GLYAT: variants seen among roughly 807,000 people sequenced by gnomAD.
GLYAT encodes the protein glycine N-acyltransferase.
In GLYAT, 25 loss-of-function variants were observed where a neutral mutation model predicts 22.8. That is an observed-to-expected ratio of 1.09 (90% CI 0.80 to 1.53). GLYAT has a LOEUF of 1.53. Among genes scored for constraint, GLYAT ranks in the 40% most tolerant of loss-of-function variants. The probability of loss-of-function intolerance (pLI) is 0.00; values close to 1 mark genes in which losing one functional copy is unlikely to be tolerated. For missense variants in GLYAT, 411 were observed against 353.9 expected (o/e 1.16, Z -1.29); for synonymous variants, 140 against 122.7 (o/e 1.14, Z -0.93).
intron 4 of GLYAT, among the ~76,000 whole-genome samples, chr11:58,711,785 A>T (rs1856619609): frequency 6.6e-6 from 1 of 152,242 alleles, no homozygotes; most frequent in Admixed American, 6.5e-5. Flanking sequence ...TACCTTGGCC[A>T]CATTGACCAT....
intron 2 of GLYAT, among the ~76,000 whole-genome samples, chr11:58,723,228 CT>C (rs11311719): frequency 0.75 from 114,555 of 151,842 alleles, 43,768 homozygotes; most frequent in Middle Eastern, 0.92. Context: ...CATACAGTGT[CT>C]TAACTAATAT....
intron 3 of GLYAT, among the ~76,000 whole-genome samples, chr11:58,713,999 A>G (rs1372969672): frequency 6.6e-6 from 1 of 152,120 alleles, no homozygotes; most frequent in Non-Finnish European, 1.5e-5. Context: ...GGTAATTAGC[A>G]TACATATTGC....
At chr11:58,715,457 TATTTGAAAAAA>T (rs1339803985) in intron 2 of GLYAT, 34 bp from the exon 3 acceptor site, 1 of 967,652 alleles carries the variant, frequency 1.0e-6, no homozygotes, top group East Asian at 2.4e-5. Flanking sequence ...AGGGTTGGTT[TATTTGAAAAAA>T]ACAGTAAAGT....
intron 2 of GLYAT, among the ~76,000 whole-genome samples, chr11:58,722,883 G>C (rs1222287904): frequency 6.6e-6 from 1 of 152,036 alleles, no homozygotes; most frequent in Admixed American, 6.6e-5. Context: ...TTCTAGGTTA[G>C]ACACCTCCAT....
At chr11:58,712,717 G>A in intron 4 of GLYAT, 43 bp downstream of exon 4, 4 of 1,588,418 alleles carry the variant, frequency 2.5e-6, no homozygotes, top group Non-Finnish European at 3.5e-6. Flanking sequence ...ACTTGCTCAG[G>A]ACACATAAGT....
chr11:58,722,722 C>T (rs545558222), intron 2 of GLYAT, among the ~76,000 whole-genome samples: 1 of 152,160 alleles, frequency 6.6e-6, no homozygotes, highest in East Asian at 1.9e-4. Flanking sequence ...AGATATTTTC[C>T]TTTCACACTA....
intron 2 of GLYAT, among the ~76,000 whole-genome samples, chr11:58,722,359 T>G (rs1856760624): frequency 6.6e-6 from 1 of 152,014 alleles, no homozygotes; most frequent in Admixed American, 6.6e-5. Context: ...CCTCAGGAAG[T>G]TCTGATGCCA....
At chr11:58,723,437 G>T (rs149280031) in intron 2 of GLYAT, among the ~76,000 whole-genome samples, 1 of 152,154 alleles carries the variant, frequency 6.6e-6, no homozygotes, top group African/African-American at 2.4e-5. Flanking sequence ...TTGTCTCAAT[G>T]CATCTCTGAT....
chr11:58,715,244 C>T (rs769002665), intron 3 of GLYAT, 72 bp downstream of exon 3: 35 of 739,738 alleles, frequency 4.7e-5, no homozygotes, highest in Middle Eastern at 3.0e-4. Context: ...CCTGGCTCTA[C>T]CATATTGCTA....
In GLYAT at chr11:58,712,819, C is replaced by G; in HGVS notation, c.257G>C (p.Cys86Ser). ...YQIYSKDPQNCQEFLGSPELI... is the reference protein window; with the variant it reads ...YQIYSKDPQNSQEFLGSPELI... The stretch of plus-strand genomic sequence containing the variant: ...TTCTGGTGATCCAAGGAATTCCTGA[C>G]AGTTTTGGGGATCTTTGGAGTAGAT... Residue 86 changes from cysteine (C) to serine (S), a missense_variant, in exon 4 of 6, where the codon TGT (cysteine) becomes TCT (serine). Transcript: ENST00000344743. 1 of 1,610,562 alleles carries G rather than the reference C, an allele frequency of 6.2e-7. No homozygotes were observed. Among genetic ancestry groups the G allele is most frequent in the South Asian group, 1.1e-5 (1 of 91,022 alleles).
intron 5 of GLYAT, 158 bp downstream of exon 5, chr11:58,710,432 C>T (rs563068870): frequency 5.6e-5 from 41 of 737,626 alleles, no homozygotes; most frequent in Admixed American, 1.1e-4. Flanking sequence ...GTCTTTTAAG[C>T]AGGAGAGAAA....
chr11:58,723,068 T>A (rs1856770930), intron 2 of GLYAT, among the ~76,000 whole-genome samples: 1 of 151,984 alleles, frequency 6.6e-6, no homozygotes, highest in Non-Finnish European at 1.5e-5. Flanking sequence ...CACCTAGAGT[T>A]TTCTCAAAAT....
At chr11:58,719,038 C>G (rs1026296679) in intron 2 of GLYAT, among the ~76,000 whole-genome samples, 3 of 151,850 alleles carry the variant, frequency 2.0e-5, no homozygotes, top group Non-Finnish European at 2.9e-5. Flanking sequence ...CCAAATAAGC[C>G]AAATTGTGTC....
At chr11:58,721,132 A>G (rs1389184050) in intron 2 of GLYAT, among the ~76,000 whole-genome samples, 1 of 151,918 alleles carries the variant, frequency 6.6e-6, no homozygotes, top group East Asian at 1.9e-4. Context: ...CATTTTATAG[A>G]TTTATAAAGA....
At chr11:58,725,748 T>G (rs574339250) in intron 1 of GLYAT, among the ~76,000 whole-genome samples, 6 of 152,278 alleles carry the variant, frequency 3.9e-5, no homozygotes, top group Admixed American at 3.9e-4. Context: ...AGAGATCAAG[T>G]GTGCAGTTGG....
intron 1 of GLYAT, among the ~76,000 whole-genome samples, chr11:58,726,351 G>T (rs2134496256): frequency 6.6e-6 from 1 of 152,176 alleles, no homozygotes; most frequent in East Asian, 1.9e-4. Context: ...GGGTAGTAGT[G>T]GTTGTTCTGT....
At position 58,712,829 on chromosome 11, in the gene GLYAT, G is replaced by T; in HGVS notation, c.247C>A (p.Pro83Thr). The change falls in exon 4 of 6, where the codon CCC becomes ACC. Residue 83 changes from proline to threonine, a missense_variant. Transcript: ENST00000344743. Reference protein sequence around the residue: ...TNTYQIYSKDPQNCQEFLGSP... With the variant: ...TNTYQIYSKDTQNCQEFLGSP... ...CCAAGGAATTCCTGACAGTTTTGGGGATCTTTGGAGTAGATTTGGTAAGTA... is the reference window on the plus strand; with the variant it reads ...CCAAGGAATTCCTGACAGTTTTGGGTATCTTTGGAGTAGATTTGGTAAGTA... The T allele has an allele frequency of 6.2e-7, 1 of 1,607,792 alleles. No homozygotes were observed. The highest frequency in any genetic ancestry group is 1.1e-5 in the South Asian group (1 of 90,982).
At chr11:58,726,654 C>T (rs924031811) in intron 1 of GLYAT, among the ~76,000 whole-genome samples, 1 of 152,128 alleles carries the variant, frequency 6.6e-6, no homozygotes, top group South Asian at 2.1e-4. Context: ...TTGTAATTTT[C>T]TCTCATTCCA....
Position 58,708,864 on chromosome 11 carries a change from C to T in GLYAT, c.*902G>A, listed in dbSNP as rs958022275. On this transcript the variant is annotated 3_prime_UTR_variant, in exon 6 of 6. Coordinates refer to ENST00000344743, the MANE Select transcript of GLYAT (RefSeq NM_201648.3). The stretch of plus-strand genomic sequence containing the variant: ...CTCAGGTATTTTGTTACAGCAGGAA[C>T]AAACTGAGATTAGTAATGTGCTGAG... 1 of 152,106 alleles carries T rather than the reference C, an allele frequency of 6.6e-6. No homozygotes were observed. Among genetic ancestry groups the T allele is most frequent in the African/African-American group, 2.4e-5 (1 of 41,430 alleles). 9.4% of individuals were successfully genotyped at this position (152,106 alleles called of 1,614,324 possible).
Sources: allele counts gnomAD v4.1 joint callset (sites outside exome capture counted in the v4.1 genomes callset), GRCh38; gene constraint gnomAD v4.1.1; transcripts MANE v1.5; gene names NCBI Gene and HGNC (gene_info 2026-07-23, HGNC 2026-07-21).